The following UBE2H variants were observed in gnomAD, a reference collection of about 807,000 sequenced individuals.
UBE2H encodes ubiquitin conjugating enzyme E2 H.
A neutral mutation model predicts 29.0 loss-of-function variants in UBE2H; 3 were observed. The ratio of observed to expected loss-of-function variants is 0.10; its 90% CI spans 0.05 to 0.27. The LOEUF is 0.27. Among genes scored for constraint, UBE2H ranks in the 10% least tolerant of loss-of-function variants. The pLI, the probability that UBE2H is intolerant of heterozygous loss-of-function variation, is 1.00. For missense variants in UBE2H, 68 were observed against 228.2 expected (o/e 0.30, Z 4.52); for synonymous variants, 69 against 82.9 (o/e 0.83, Z 0.91).
At chr7:129,841,897 T>C (rs1020838342) in intron 5 of UBE2H, among the ~76,000 whole-genome samples, 1 of 152,210 alleles carries the variant, frequency 6.6e-6, no homozygotes, top group Non-Finnish European at 1.5e-5. Context: ...CACCAATGTT[T>C]TATCTACAAT....
intron 1 of UBE2H, among the ~76,000 whole-genome samples, chr7:129,889,376 G>A (rs767564967): frequency 6.6e-6 from 1 of 152,228 alleles, no homozygotes; most frequent in Non-Finnish European, 1.5e-5. Context: ...ACCTGGCAGA[G>A]CCAGTAGAAA....
chr7:129,937,042 A>T (rs778686354), intron 1 of UBE2H, among the ~76,000 whole-genome samples: 5 of 151,518 alleles, frequency 3.3e-5, no homozygotes, highest in Non-Finnish European at 5.9e-5. Flanking sequence ...CATACAATTT[A>T]TGGGCCAGGT....
chr7:129,840,081 A>AT (rs1485696031), intron 5 of UBE2H, among the ~76,000 whole-genome samples: 1 of 152,140 alleles, frequency 6.6e-6, no homozygotes, highest in Non-Finnish European at 1.5e-5. Context: ...AATATAACCA[A>AT]TTTTTCAATT....
intron 5 of UBE2H, chr7:129,839,799 C>T (rs771202541): frequency 2.4e-5 from 4 of 165,312 alleles, no homozygotes; most frequent in Non-Finnish European, 3.9e-5. Context: ...AAACCTCTGC[C>T]TCCATGTTCA....
intron 3 of UBE2H, among the ~76,000 whole-genome samples, chr7:129,859,624 A>G (rs780716016): frequency 1.2e-4 from 18 of 152,220 alleles, no homozygotes; most frequent in Non-Finnish European, 2.2e-4. Context: ...AACCAAGTAC[A>G]CACTTTAATA....
intron 1 of UBE2H, among the ~76,000 whole-genome samples, chr7:129,903,291 C>T (rs1269046835): frequency 1.3e-5 from 2 of 152,234 alleles, no homozygotes; most frequent in South Asian, 2.1e-4. Context: ...AACAGTTGTG[C>T]TAAAATAGAT....
intron 1 of UBE2H, among the ~76,000 whole-genome samples, chr7:129,885,041 T>TGA (rs1204829814): frequency 6.6e-6 from 1 of 150,852 alleles, no homozygotes; most frequent in Non-Finnish European, 1.5e-5. Flanking sequence ...CACTCCAGCC[T>TGA]GAGAGAGAGA....
intron 1 of UBE2H, among the ~76,000 whole-genome samples, chr7:129,948,097 T>C (rs1042547281): frequency 2.0e-5 from 3 of 152,024 alleles, no homozygotes; most frequent in African/African-American, 4.8e-5. Flanking sequence ...TGACCTCAGG[T>C]GATCTGCCCG....
intron 1 of UBE2H, among the ~76,000 whole-genome samples, chr7:129,946,349 G>A (rs143655298): frequency 0.047 from 7,139 of 151,880 alleles, 188 homozygotes; most frequent in South Asian, 0.13. Flanking sequence ...GTGAGCCACC[G>A]CGCCCGGCCC....
chr7:129,835,786 C>T (rs968265777), intron 6 of UBE2H, among the ~76,000 whole-genome samples: 2 of 152,158 alleles, frequency 1.3e-5, no homozygotes, highest in African/African-American at 4.8e-5. Flanking sequence ...AGTGAACAGC[C>T]TCCACACAAT....
chr7:129,924,322 T>G (rs1366794682), intron 1 of UBE2H, among the ~76,000 whole-genome samples: 2 of 152,238 alleles, frequency 1.3e-5, no homozygotes, highest in African/African-American at 2.4e-5. Flanking sequence ...GACTGAGACT[T>G]TTCCTAGTTA....
chr7:129,861,750 G>A (rs1805807476), intron 3 of UBE2H, among the ~76,000 whole-genome samples: 1 of 152,034 alleles, frequency 6.6e-6, no homozygotes, highest in Non-Finnish European at 1.5e-5. Flanking sequence ...AAATTAGCCG[G>A]GCATGTGGCG....
intron 3 of UBE2H, among the ~76,000 whole-genome samples, chr7:129,865,627 AG>A (rs1805889631): frequency 6.6e-6 from 1 of 152,252 alleles, no homozygotes; most frequent in Non-Finnish European, 1.5e-5. Flanking sequence ...GCCTAGGCTA[AG>A]GTGGTTCAGA....
At chr7:129,849,349 G>A (rs376589402) in intron 5 of UBE2H, among the ~76,000 whole-genome samples, 1 of 152,120 alleles carries the variant, frequency 6.6e-6, no homozygotes, top group East Asian at 1.9e-4. Context: ...AGGCTGAGGC[G>A]GGCAGATCAC....
rs1011672001 is a variant in UBE2H at position 129,949,141 on chromosome 7, A to C, written c.53+3362T>G. ...GAAAGGATCACCAGGGCTGTGCAAC[A>C]GGGTGAGACGAGTAACCCCCACCAA... On this transcript the variant is annotated intron_variant, in intron 1 of 6. Coordinates refer to ENST00000355621, the MANE Select transcript of UBE2H (RefSeq NM_003344.4). The C allele has an allele frequency of 4.0e-4, 158 of 398,074 alleles. 2 individuals carry two copies. The highest frequency in any genetic ancestry group is 4.9e-4 in the Middle Eastern group (1 of 2,048). 24.7% of individuals were successfully genotyped at this position (398,074 alleles called of 1,614,324 possible).
chr7:129,871,611 G>C (rs1806032280), intron 3 of UBE2H, among the ~76,000 whole-genome samples: 1 of 151,830 alleles, frequency 6.6e-6, no homozygotes, highest in African/African-American at 2.4e-5. Context: ...CTATTCGGGA[G>C]ACTGAGGCAG....
intron 1 of UBE2H, among the ~76,000 whole-genome samples, chr7:129,936,012 A>G (rs1299169370): frequency 6.6e-6 from 1 of 152,216 alleles, no homozygotes; most frequent in Non-Finnish European, 1.5e-5. Flanking sequence ...TTATATTCGG[A>G]AAGCCACCAT....
At position 129,927,311 on chromosome 7, in the gene UBE2H, G is replaced by C. The variant is rs547352899; in HGVS notation, c.53+25192C>G. Among the ~76,000 whole-genome samples, 19 of 152,262 alleles carry C rather than the reference G, an allele frequency of 1.2e-4. No homozygotes were observed. The East Asian group carries it at 1.7e-3, about 14-fold the overall frequency. On this transcript the variant is annotated intron_variant, in intron 1 of 6. Transcript: ENST00000355621. ...AATCCCAGCACTTTGAGAGGCAGAG[G>C]GGGGTGGATCACAAGGTCAGGAATT...
intron 1 of UBE2H, among the ~76,000 whole-genome samples, chr7:129,923,318 G>A (rs1807203578): frequency 1.3e-5 from 2 of 152,128 alleles, no homozygotes; most frequent in South Asian, 2.1e-4. Context: ...TCACAACTAT[G>A]TGGCAGCTAA....
Sources: gnomAD v4.1 joint callset for allele counts (sites outside exome capture counted in the v4.1 genomes callset) on GRCh38, gnomAD v4.1.1 for gene constraint, MANE v1.5 for transcripts, NCBI Gene and HGNC (gene_info 2026-07-23, HGNC 2026-07-21) for gene names.